PCDHGA4: variants seen among roughly 807,000 people sequenced by gnomAD.
PCDHGA4 encodes the protein protocadherin gamma-A4.
PCDHGA4 carries 38 observed loss-of-function variants against 54.6 expected under a neutral mutation model. That is an observed-to-expected ratio of 0.70 (90% CI 0.54 to 0.91). The LOEUF is 0.91. Among genes scored for constraint, PCDHGA4 ranks in the 40% least tolerant of loss-of-function variants. The pLI, the probability that PCDHGA4 is intolerant of heterozygous loss-of-function variation, is 0.00. For synonymous variants in PCDHGA4, 511 were observed against 512.9 expected (o/e 1.00, Z 0.05); for missense variants, 1,298 against 1,220.9 (o/e 1.06, Z -0.94).
At chr5:141,372,788 TA>T in intron 1 of PCDHGA4, 1 of 1,603,576 alleles carries the variant, frequency 6.2e-7, no homozygotes, top group Admixed American at 1.7e-5. Context: ...AAATGCCTTC[TA>T]ATTCAGGCAA....
rs200312693 is a variant in PCDHGA4 at position 141,364,360 on chromosome 5, C to T, written c.2514+6739C>T. 1.5e-3 allele frequency: 2,261 copies of T among 1,558,460 alleles called. 3 individuals carry two copies. The highest frequency in any genetic ancestry group is 1.8e-3 in the Non-Finnish European group (2,074 of 1,154,776). On this transcript the variant is annotated intron_variant, in intron 1 of 3. Transcript: ENST00000571252. ...CGAGTCCACCTAGGGGCTGGGGCTG[C>T]GGAGAGCTGCTGCTGCCCTTCATGC...
At chr5:141,375,948 A>C in intron 1 of PCDHGA4, 1 of 1,613,556 alleles carries the variant, frequency 6.2e-7, no homozygotes, top group Non-Finnish European at 8.5e-7. Context: ...GTGGGCCTGC[A>C]CACGGGCGAG....
At chr5:141,401,033 C>T (rs1437899833) in intron 1 of PCDHGA4, among the ~76,000 whole-genome samples, 1 of 152,016 alleles carries the variant, frequency 6.6e-6, no homozygotes, top group Non-Finnish European at 1.5e-5. Context: ...TTTGAATCTC[C>T]TAAAATTTTA....
At chr5:141,390,538 C>T (rs1371210436) in intron 1 of PCDHGA4, 1 of 518,192 alleles carries the variant, frequency 1.9e-6, no homozygotes, top group Non-Finnish European at 3.4e-6. Context: ...GTTTTAACCA[C>T]AAAGTGAAAG....
At chr5:141,427,774 G>A (rs760144039) in intron 1 of PCDHGA4, 1 of 1,420,908 alleles carries the variant, frequency 7.0e-7, no homozygotes, top group Non-Finnish European at 9.8e-7. Context: ...TTGGAGCTGC[G>A]GGCACTGTCG....
intron 1 of PCDHGA4, chr5:141,417,858 C>T (rs561149517): frequency 6.5e-7 from 1 of 1,547,240 alleles, no homozygotes. Flanking sequence ...CCCGAGCGAA[C>T]GATGGGAGGG....
At chr5:141,507,106 A>T (rs1205648425) in intron 3 of PCDHGA4, 1 of 152,118 alleles carries the variant, frequency 6.6e-6, no homozygotes, top group African/African-American at 2.4e-5. Context: ...TACTATAGGG[A>T]CCATGGCTGC....
intron 1 of PCDHGA4, among the ~76,000 whole-genome samples, chr5:141,460,934 G>GTA (rs2099001529): frequency 2.7e-5 from 4 of 149,622 alleles, no homozygotes; most frequent in African/African-American, 9.9e-5. Context: ...ATGTGTGTGT[G>GTA]TATATATATG....
At chr5:141,393,051 C>T in intron 1 of PCDHGA4, 1 of 1,613,622 alleles carries the variant, frequency 6.2e-7, no homozygotes, top group Non-Finnish European at 8.5e-7. Context: ...TCTGAACCCG[C>T]GCAGCGGCAG....
At chr5:141,453,481 T>TA (rs1178324090) in intron 1 of PCDHGA4, among the ~76,000 whole-genome samples, 1 of 151,928 alleles carries the variant, frequency 6.6e-6, no homozygotes, top group African/African-American at 2.4e-5. Context: ...TCAAAACTAT[T>TA]AAAAAAAGGT....
chr5:141,415,182 C>T (rs2095840318), intron 1 of PCDHGA4: 2 of 1,613,842 alleles, frequency 1.2e-6, no homozygotes, highest in Non-Finnish European at 1.7e-6. Flanking sequence ...TGGCCGTGGC[C>T]GACAGCATCC....
chr5:141,480,021 C>G (rs1415230863), intron 1 of PCDHGA4, among the ~76,000 whole-genome samples: 1 of 152,208 alleles, frequency 6.6e-6, no homozygotes, highest in Non-Finnish European at 1.5e-5. Context: ...AATCTCCTTT[C>G]TAAGCCTCTT....
At position 141,491,390 on chromosome 5, in the gene PCDHGA4, T is replaced by C; in HGVS notation, c.2515-3417T>C. 6.2e-7 allele frequency: 1 copy of C among 1,614,130 alleles called. No homozygotes were observed. Among genetic ancestry groups the C allele is most frequent in the Non-Finnish European group, 8.5e-7 (1 of 1,179,988 alleles). ...TTCACCTTTCTGTCAGCGAAGTGCC[T>C]TCAGGGAAACGCAGACGGGGACGGG... On this transcript the variant is annotated intron_variant, in intron 1 of 3. Coordinates refer to ENST00000571252, the MANE Select transcript of PCDHGA4 (RefSeq NM_018917.4). This position sits in a 1 kb window ranked among gnomAD's most constrained non-coding sequence, Gnocchi z 6.9.
chr5:141,422,569 G>C, intron 1 of PCDHGA4: 2 of 1,613,984 alleles, frequency 1.2e-6, no homozygotes, highest in Non-Finnish European at 1.7e-6. Flanking sequence ...AGATGACAAC[G>C]ATAACCCTCC....
Position 141,490,241 on chromosome 5 carries a change from G to T in PCDHGA4, c.2515-4566G>T. 2 of 1,614,246 alleles carry T rather than the reference G, an allele frequency of 1.2e-6. No individual in the cohort carries two copies. Among genetic ancestry groups the T allele is most frequent in the Non-Finnish European group, 1.7e-6 (2 of 1,180,048 alleles). On this transcript the variant is annotated intron_variant, in intron 1 of 3. Transcript: ENST00000571252. This position sits in a 1 kb window ranked among gnomAD's most constrained non-coding sequence, Gnocchi z 5.4. Reference sequence around the variant, plus strand: ...GGACAGCCTGCCATGGAGGGCCACTGTGTGATTCAAGTGGATGTGGGGGAT... The same window carrying T: ...GGACAGCCTGCCATGGAGGGCCACTTTGTGATTCAAGTGGATGTGGGGGAT...
intron 1 of PCDHGA4, chr5:141,399,178 A>T: frequency 6.2e-7 from 1 of 1,613,892 alleles, no homozygotes; most frequent in Admixed American, 1.7e-5. Flanking sequence ...TCTACTTGAA[A>T]TGATTCTGGA....
At position 141,371,145 on chromosome 5, in the gene PCDHGA4, G is replaced by A. The variant is rs144065486; in HGVS notation, c.2514+13524G>A. The stretch of plus-strand genomic sequence containing the variant: ...TACTCAGGACATGTACAGGGTCAAT[G>A]TTGCAGAGAACCTGCCCGCTGGCTC... On this transcript the variant is annotated intron_variant, in intron 1 of 3. Coordinates refer to ENST00000571252, the MANE Select transcript of PCDHGA4 (RefSeq NM_018917.4). 54 of 1,614,030 alleles carry A rather than the reference G, an allele frequency of 3.3e-5. No individual in the cohort carries two copies. The African/African-American group carries it at 6.0e-4, about 18-fold the overall frequency.
intron 1 of PCDHGA4, chr5:141,397,962 A>T: frequency 1.9e-6 from 2 of 1,037,030 alleles, no homozygotes; most frequent in Admixed American, 2.9e-5. Context: ...CCCAGCTCAG[A>T]CTCCCCAGCG....
At chr5:141,444,205 CTT>C in intron 1 of PCDHGA4, among the ~76,000 whole-genome samples, 1 of 77,932 alleles carries the variant, frequency 1.3e-5, no homozygotes. Context: ...GAGTTTCACT[CTT>C]GTTGCCCAGG....
Sources: gnomAD v4.1 joint callset for allele counts (sites outside exome capture counted in the v4.1 genomes callset) on GRCh38, gnomAD v4.1.1 for gene constraint, Gnocchi (gnomAD v3.1) non-coding constraint, MANE v1.5 for transcripts, NCBI Gene and HGNC (gene_info 2026-07-23, HGNC 2026-07-21) for gene names.